Variants in RAPGEF4 observed in about 807,000 individuals in gnomAD.
RAPGEF4 encodes RAP guanine-nucleotide-exchange factor (GEF) 4.
RAPGEF4 carries 66 observed loss-of-function variants against 147.9 expected under a neutral mutation model. The ratio of observed to expected loss-of-function variants is 0.45; its 90% confidence interval spans 0.37 to 0.55. RAPGEF4 has a LOEUF of 0.55. RAPGEF4 is among the 20% of genes least tolerant of loss of function. The pLI is 0.00. For missense variants in RAPGEF4, 1,071 were observed against 1,257.3 expected (o/e 0.85, Z 2.24); for synonymous variants, 419 against 442.7 (o/e 0.95, Z 0.67).
intron 4 of RAPGEF4, among the ~76,000 whole-genome samples, chr2:172,819,808 T>G (rs1688896111): frequency 6.6e-6 from 1 of 152,204 alleles, no homozygotes; most frequent in South Asian, 2.1e-4. Flanking sequence ...ATTTAAACTC[T>G]TTGACACTAG....
intron 1 of RAPGEF4, among the ~76,000 whole-genome samples, chr2:172,741,507 G>T (rs1694293305): frequency 6.6e-6 from 1 of 151,990 alleles, no homozygotes; most frequent in Non-Finnish European, 1.5e-5. Context: ...ATGTTTTTTG[G>T]CTAATGTGAA....
At chr2:172,796,476 T>C (rs1256189784) in intron 2 of RAPGEF4, among the ~76,000 whole-genome samples, 1 of 152,024 alleles carries the variant, frequency 6.6e-6, no homozygotes, top group Admixed American at 6.5e-5. Context: ...TCCCAGCTAC[T>C]CAGGAGGCTG....
intron 6 of RAPGEF4, among the ~76,000 whole-genome samples, chr2:172,925,680 C>A (rs1181092802): frequency 6.6e-6 from 1 of 150,560 alleles, no homozygotes; most frequent in Non-Finnish European, 1.5e-5. Context: ...GAAGTTGAGG[C>A]TACAGTGAGC....
intron 4 of RAPGEF4, among the ~76,000 whole-genome samples, chr2:172,897,340 T>C (rs561481179): frequency 4.6e-5 from 7 of 152,252 alleles, no homozygotes; most frequent in Non-Finnish European, 7.4e-5. Flanking sequence ...GGTGAATTAA[T>C]TCAGTGAAAT....
rs1210456369 is a variant in RAPGEF4, at chr2:172,777,073, T to A, written c.66-17952T>A. On this transcript the variant is annotated intron_variant, in intron 1 of 30. Coordinates refer to ENST00000397081, the MANE Select transcript of RAPGEF4 (RefSeq NM_007023.4). ...TTTTTTTAAAAAAGATCAGCTTCCA[T>A]TTTCCTAGGCAGTTAATGTCCTGGC... Among the ~76,000 whole-genome samples the A allele has an allele frequency of 5.3e-5, 8 of 152,306 alleles. No individual in the cohort carries two copies. In the East Asian group the frequency reaches 1.5e-3, roughly 29 times the overall value.
Position 173,042,491 on chromosome 2 carries a change from C to T in RAPGEF4, c.2853+5799C>T, listed in dbSNP as rs1158828014. ...TACAAAAATTAGCCAGGCATGGTGG[C>T]GGGCGCCTGTAATCCCAGCTATTCA... On this transcript the variant is annotated intron_variant, in intron 29 of 30. Transcript: ENST00000397081. This position sits in a 1 kb window ranked among gnomAD's most constrained non-coding sequence, Gnocchi z 4.2. 6.6e-6 allele frequency among the ~76,000 whole-genome samples: 1 copy of T among 151,968 alleles called. No homozygotes were observed. Among genetic ancestry groups the T allele is most frequent in the Admixed American group, 6.6e-5 (1 of 15,264 alleles).
At chr2:172,967,562 A>G in intron 10 of RAPGEF4, 118 bp downstream of exon 10, 1 of 1,076,338 alleles carries the variant, frequency 9.3e-7, no homozygotes, top group South Asian at 1.9e-5. Context: ...CATGGAACAA[A>G]AGGGAGCAGC....
chr2:172,928,301 C>T (rs1685578518), intron 6 of RAPGEF4: 1 of 437,810 alleles, frequency 2.3e-6, no homozygotes, highest in African/African-American at 2.0e-5. Context: ...TTCCTCAACT[C>T]TTACAAAAGC....
intron 29 of RAPGEF4, among the ~76,000 whole-genome samples, chr2:173,047,113 G>A (rs1685567674): frequency 6.6e-6 from 1 of 151,372 alleles, no homozygotes; most frequent in South Asian, 2.1e-4. Context: ...ATCTCCACAG[G>A]ACCCCCTTTA....
intron 27 of RAPGEF4, among the ~76,000 whole-genome samples, chr2:173,034,755 T>C (rs1683708233): frequency 6.6e-6 from 1 of 151,652 alleles, no homozygotes; most frequent in Non-Finnish European, 1.5e-5. Flanking sequence ...ACACCTGTGG[T>C]CCCAGCTACT....
chr2:172,827,268 T>C (rs992234415), intron 4 of RAPGEF4, among the ~76,000 whole-genome samples: 34 of 152,208 alleles, frequency 2.2e-4, no homozygotes, highest in Non-Finnish European at 4.4e-4. Flanking sequence ...TAATATATTT[T>C]AGCACAGTTG....
chr2:172,974,360 G>A (rs545212650), intron 10 of RAPGEF4, among the ~76,000 whole-genome samples: 27 of 152,274 alleles, frequency 1.8e-4, no homozygotes, highest in African/African-American at 6.0e-4. Flanking sequence ...GCATTGGAAA[G>A]GAAAGGTGTC....
chr2:172,838,179 CT>C (rs2149693328), intron 4 of RAPGEF4, among the ~76,000 whole-genome samples: 1 of 152,212 alleles, frequency 6.6e-6, no homozygotes, highest in East Asian at 1.9e-4. Flanking sequence ...AAGAAGTGAC[CT>C]GTTGGGGGGT....
At chr2:172,826,456 G>A (rs1689679257) in intron 4 of RAPGEF4, among the ~76,000 whole-genome samples, 1 of 152,046 alleles carries the variant, frequency 6.6e-6, no homozygotes, top group Non-Finnish European at 1.5e-5. Context: ...GCTTAGCTTT[G>A]TTTAAAGTTT....
chr2:172,946,572 G>A (rs192785096), intron 6 of RAPGEF4, among the ~76,000 whole-genome samples: 57 of 152,216 alleles, frequency 3.7e-4, no homozygotes, highest in African/African-American at 1.1e-3. Flanking sequence ...TTAAACTCCC[G>A]TCTGTGTGAC....
chr2:172,974,157 A>T (rs760557689), intron 10 of RAPGEF4, among the ~76,000 whole-genome samples: 12 of 152,180 alleles, frequency 7.9e-5, no homozygotes, highest in Non-Finnish European at 1.5e-4. Flanking sequence ...GTTATTTAAC[A>T]TTACTCCCAT....
intron 2 of RAPGEF4, among the ~76,000 whole-genome samples, chr2:172,796,586 A>G (rs1343136899): frequency 1.3e-5 from 2 of 152,100 alleles, no homozygotes; most frequent in Admixed American, 6.5e-5. Flanking sequence ...CAGTGGTGCA[A>G]TCATGACTCA....
chr2:172,994,371 A>C (rs1322832755), intron 15 of RAPGEF4, among the ~76,000 whole-genome samples: 6 of 152,196 alleles, frequency 3.9e-5, no homozygotes, highest in Non-Finnish European at 8.8e-5. Flanking sequence ...GTACAAGCAG[A>C]AAAGTGCCAT....
intron 3 of RAPGEF4, among the ~76,000 whole-genome samples, chr2:172,810,229 T>G (rs1454302967): frequency 6.6e-6 from 1 of 152,228 alleles, no homozygotes; most frequent in African/African-American, 2.4e-5. Context: ...TTGAGCCTGA[T>G]TTGCTCAACC....
Sources: allele counts gnomAD v4.1 joint callset (sites outside exome capture counted in the v4.1 genomes callset), GRCh38; gene constraint gnomAD v4.1.1; non-coding constraint Gnocchi (gnomAD v3.1); transcripts MANE v1.5; gene names NCBI Gene and HGNC (gene_info 2026-07-23, HGNC 2026-07-21).